The following RAPGEF1 variants were observed in gnomAD, a reference collection of about 807,000 sequenced individuals.
The protein encoded by RAPGEF1 is CRK SH3-binding GNRP.
Under a neutral mutation model 143.3 loss-of-function variants are expected in RAPGEF1, and 33 were observed. That is an observed-to-expected ratio of 0.23 (90% CI 0.17 to 0.31). RAPGEF1 has a LOEUF of 0.31. Among genes scored for constraint, RAPGEF1 ranks in the 10% least tolerant of loss-of-function variants. RAPGEF1 has a pLI of 1.00. For missense variants in RAPGEF1, 1,199 were observed against 1,645.4 expected, an observed-to-expected ratio of 0.73 and a Z score of 4.69; for synonymous variants, 629 against 676.5, an observed-to-expected ratio of 0.93 and a Z score of 1.09.
intron 17 of RAPGEF1, among the ~76,000 whole-genome samples, chr9:131,592,900 C>T (rs1054155098): frequency 3.3e-5 from 5 of 152,162 alleles, no homozygotes; most frequent in African/African-American, 1.2e-4. Context: ...CACAGGCACG[C>T]GCCACTACGC....
At chr9:131,713,962 G>GT (rs1288816518) in intron 1 of RAPGEF1, among the ~76,000 whole-genome samples, 1 of 152,076 alleles carries the variant, frequency 6.6e-6, no homozygotes, top group African/African-American at 2.4e-5. Flanking sequence ...CCATATCAGA[G>GT]TAAGATCCAC....
At chr9:131,681,186 C>T (rs533245127) in intron 1 of RAPGEF1, among the ~76,000 whole-genome samples, 1 of 152,272 alleles carries the variant, frequency 6.6e-6, no homozygotes, top group South Asian at 2.1e-4. Context: ...GGGAGAGGTT[C>T]ATCCCTACCC....
chr9:131,606,388 G>A (rs1957116853), intron 12 of RAPGEF1, among the ~76,000 whole-genome samples: 1 of 152,156 alleles, frequency 6.6e-6, no homozygotes, highest in Admixed American at 6.5e-5. Flanking sequence ...GGGTGGCCAC[G>A]TCCAAAGTCC....
intron 1 of RAPGEF1, chr9:131,709,577 C>T (rs1280559753): frequency 6.3e-7 from 1 of 1,596,592 alleles, no homozygotes; most frequent in Non-Finnish European, 8.6e-7. Flanking sequence ...GAGAAAACTG[C>T]CTCCTTGCTT....
intron 1 of RAPGEF1, among the ~76,000 whole-genome samples, chr9:131,739,379 G>A (rs1837607488): frequency 6.6e-6 from 1 of 152,206 alleles, no homozygotes; most frequent in Admixed American, 6.5e-5. Flanking sequence ...GCTCAGCTGG[G>A]TTCACCCTCC....
In RAPGEF1 at chr9:131,628,499, C is replaced by T. The variant is rs1174210827; in HGVS notation, c.1017+50G>A. 3.8e-6 allele frequency: 6 copies of T among 1,596,344 alleles called. No individual in the cohort carries two copies. Among genetic ancestry groups the T allele is most frequent in the East Asian group, 4.5e-5 (2 of 44,382 alleles). On this transcript the variant is annotated intron_variant, in intron 8 of 26. Coordinates refer to ENST00000683357, the MANE Select transcript of RAPGEF1 (RefSeq NM_001377935.1). This position sits in a 1 kb window ranked among gnomAD's most constrained non-coding sequence, Gnocchi z 5.7. The stretch of plus-strand genomic sequence containing the variant: ...CAGCTTCAGGAGCCACATCCCTGAG[C>T]CCCCCACCCCCTCCCTGCCTTCCCA...
At chr9:131,587,261 A>C (rs191829838) in intron 22 of RAPGEF1, among the ~76,000 whole-genome samples, 1 of 43,314 alleles carries the variant, frequency 2.3e-5, no homozygotes, top group African/African-American at 9.3e-5. Context: ...GCGAGACTCC[A>C]TCTCAAACAC....
At chr9:131,699,398 C>T (rs1270454515) in intron 1 of RAPGEF1, among the ~76,000 whole-genome samples, 2 of 152,140 alleles carry the variant, frequency 1.3e-5, no homozygotes, top group African/African-American at 4.8e-5. Context: ...GCATGTGCCA[C>T]CATGCCTGGC....
chr9:131,682,252 G>A (rs1307631474), intron 1 of RAPGEF1, among the ~76,000 whole-genome samples: 4 of 152,210 alleles, frequency 2.6e-5, no homozygotes, highest in Non-Finnish European at 5.9e-5. Context: ...ATGTAAAAAA[G>A]GAAAACATTG....
Position 131,621,864 on chromosome 9 carries a change from A to T in RAPGEF1, c.1837T>A (p.Phe613Ile). ...LMEVYGFSDS[F>I]SGVDSVQELA... ...TCCTGCACGGAGTCCACCCCACTGAAGGAGTCGCTGAAGCCGTATACCTCC... is the reference window on the plus strand; with the variant it reads ...TCCTGCACGGAGTCCACCCCACTGATGGAGTCGCTGAAGCCGTATACCTCC... The change falls in exon 11 of 27, where the codon TTC becomes ATC. Residue 613 changes from phenylalanine (F) to isoleucine (I), a missense_variant. Physicochemically the swap from Phe to Ile is conservative, Grantham distance 21 (BLOSUM62 0). Around this residue, in one of 6 missense-constraint regions of RAPGEF1, gnomAD observed 293 missense variants for 356.2 expected, o/e 0.82. Transcript: ENST00000683357. This position sits in a 1 kb window ranked among gnomAD's most constrained non-coding sequence, Gnocchi z 4.5. 1 of 1,612,500 alleles carries T rather than the reference A, an allele frequency of 6.2e-7. No individual in the cohort carries two copies. Among genetic ancestry groups the T allele is most frequent in the Non-Finnish European group, 8.5e-7 (1 of 1,179,298 alleles).
intron 1 of RAPGEF1, among the ~76,000 whole-genome samples, chr9:131,734,867 G>A (rs900577080): frequency 2.0e-5 from 3 of 152,172 alleles, no homozygotes; most frequent in East Asian, 1.9e-4. Context: ...CACACTGAGC[G>A]TGAGACACCT....
chr9:131,709,522 G>A, intron 1 of RAPGEF1: 1 of 1,097,038 alleles, frequency 9.1e-7, no homozygotes, highest in Non-Finnish European at 1.4e-6. Flanking sequence ...GCTCTGGAAG[G>A]TGATTCCCCA....
intron 1 of RAPGEF1, among the ~76,000 whole-genome samples, chr9:131,716,881 A>C (rs999551672): frequency 6.6e-6 from 1 of 152,162 alleles, no homozygotes; most frequent in Non-Finnish European, 1.5e-5. Flanking sequence ...GCCCCAAATT[A>C]CCTTTCCCAC....
rs756507437 is a variant in RAPGEF1 at position 131,650,854 on chromosome 9, G to C, written c.157C>G (p.Pro53Ala). The C allele has an allele frequency of 6.2e-7, 1 of 1,614,012 alleles. No homozygotes were observed. Among genetic ancestry groups the C allele is most frequent in the South Asian group, 1.1e-5 (1 of 91,086 alleles). ...GGAATCTTTACGGACACCTCAGCTG[G>C]TTTTCCCTTCTTTGATGGCGTTCTC... The part of the protein sequence containing the change: ...IKRTPSKKGK[P>A]AEVSVKIPEK... Residue 53 changes from proline (P) to alanine (A), a missense_variant, in exon 2 of 27, where the codon CCA becomes GCA. Physicochemically the swap from Pro to Ala is conservative, Grantham distance 27. Coordinates refer to ENST00000683357, the MANE Select transcript of RAPGEF1 (RefSeq NM_001377935.1). This position sits in a 1 kb window ranked among gnomAD's most constrained non-coding sequence, Gnocchi z 4.7.
Position 131,646,472 on chromosome 9 carries a change from C to T in RAPGEF1, c.316-3055G>A, listed in dbSNP as rs527282503. Among the ~76,000 whole-genome samples the T allele has an allele frequency of 1.2e-4, 18 of 152,338 alleles. No individual in the cohort carries two copies. In the Middle Eastern group the frequency reaches 0.014, roughly 115 times the overall value. ...AAAATCCCCATCGCCTTTCCTGCCC[C>T]GTGGGCCATATTCATTTCTGACGCC... On this transcript the variant is annotated intron_variant, in intron 3 of 26. Coordinates refer to ENST00000683357, the MANE Select transcript of RAPGEF1 (RefSeq NM_001377935.1).
At chr9:131,643,037 G>A (rs181723847) in intron 4 of RAPGEF1, among the ~76,000 whole-genome samples, 9 of 152,228 alleles carry the variant, frequency 5.9e-5, no homozygotes, top group Middle Eastern at 3.4e-3. Flanking sequence ...GATGTGTCCC[G>A]GGCTTCAGGA....
At chr9:131,672,002 T>A (rs548196339) in intron 1 of RAPGEF1, among the ~76,000 whole-genome samples, 1 of 152,274 alleles carries the variant, frequency 6.6e-6, no homozygotes, top group African/African-American at 2.4e-5. Context: ...CTCCCTGGAG[T>A]GTGGAGTGGA....
chr9:131,737,279 C>G, intron 1 of RAPGEF1: 1 of 1,492,392 alleles, frequency 6.7e-7, no homozygotes, highest in East Asian at 2.3e-5. Flanking sequence ...TCAGCCCCTT[C>G]CCCTCTCTCC....
At position 131,626,082 on chromosome 9, in the gene RAPGEF1, G is replaced by T. The variant is rs1409810101; in HGVS notation, c.1542C>A (p.Ala514=). The change falls in exon 10 of 27, where the codon GCC becomes GCA. Residue 514 remains alanine, a synonymous_variant. Transcript: ENST00000683357. The part of the protein sequence containing the change: ...NISGEDLQST[A]PIPSVPYAPF... ...GCGCGTAGGGGACGGATGGGATCGGGGCTGTGCTCTGCAGGTCCTCCCCAG... is the reference window on the plus strand; with the variant it reads ...GCGCGTAGGGGACGGATGGGATCGGTGCTGTGCTCTGCAGGTCCTCCCCAG... The T allele has an allele frequency of 6.2e-7, 1 of 1,613,956 alleles. No homozygotes were observed. Among genetic ancestry groups the T allele is most frequent in the Non-Finnish European group, 8.5e-7 (1 of 1,179,878 alleles).
Sources: allele counts gnomAD v4.1 joint callset (sites outside exome capture counted in the v4.1 genomes callset), GRCh38; gene constraint gnomAD v4.1.1; regional missense constraint gnomAD v4.1.1; non-coding constraint Gnocchi (gnomAD v3.1); transcripts MANE v1.5; gene names NCBI Gene and HGNC (gene_info 2026-07-23, HGNC 2026-07-21).